MR1: variants seen among roughly 807,000 people sequenced by gnomAD.
The protein encoded by MR1 is major histocompatibility complex, class I-related.
A neutral mutation model predicts 37.8 loss-of-function variants in MR1; 44 were observed. The ratio of observed to expected loss-of-function variants is 1.16; its 90% CI spans 0.91 to 1.50. The LOEUF is 1.50. Ranked by LOEUF, MR1 falls within the 40% of genes most tolerant of loss-of-function variation. MR1 has a pLI of 0.00. For synonymous variants in MR1, 153 were observed against 155.8 expected, an observed-to-expected ratio of 0.98 and a Z score of 0.13; for missense variants, 386 against 419.1, an observed-to-expected ratio of 0.92 and a Z score of 0.69.
At position 181,052,237 on chromosome 1, in the gene MR1, C is replaced by A. The variant is rs149433107; in HGVS notation, c.607C>A (p.Pro203Thr). The change falls in exon 4 of 6, where the codon CCC becomes ACC. Residue 203 changes from proline (P) to threonine (T), a missense_variant and splice_region_variant. By Grantham distance (38) the Pro-to-Thr change is conservative. Coordinates refer to ENST00000367580, the MANE Select transcript of MR1 (RefSeq NM_001385161.1). ...TAACTTTAGCTTCTTCTTCCTAGAG[C>A]CCCCACTGGTCAGAGTAAATCGCAA... is the stretch of plus-strand genomic sequence containing the variant. ...YGKDTLQRTEPPLVRVNRKET... is the reference protein window; with the variant it reads ...YGKDTLQRTETPLVRVNRKET... 6.2e-7 allele frequency: 1 copy of A among 1,613,024 alleles called. No homozygotes were observed. Among genetic ancestry groups the A allele is most frequent in the East Asian group, 2.2e-5 (1 of 44,868 alleles).
At chr1:181,049,369 C>A (rs1251801991) in intron 2 of MR1, 57 bp downstream of exon 2, 10 of 1,542,316 alleles carry the variant, frequency 6.5e-6, no homozygotes, top group Non-Finnish European at 6.1e-6. Flanking sequence ...CGCAGAGACC[C>A]CTGGGCTGGC....
rs183262469 is a variant in MR1, at chr1:181,054,400, T to C, written c.985+723T>C. On this transcript the variant is annotated intron_variant, in intron 5 of 5. Transcript: ENST00000367580. ...GCTCTGGCTTCACTAATTGCTCAAA[T>C]TGATCACAGGATAGTACCGATGAGA... Among the ~76,000 whole-genome samples, 127 of 152,296 alleles carry C rather than the reference T, an allele frequency of 8.3e-4. 2 individuals are homozygous for C. The highest frequency in any genetic ancestry group is 2.3e-3 in the African/African-American group (97 of 41,552).
In MR1 at chr1:181,050,241, C is replaced by G. The variant is rs1033122095; in HGVS notation, c.559C>G (p.Leu187Val). The change falls in exon 3 of 6, where the codon CTA becomes GTA. Residue 187 changes from leucine to valine, a missense_variant. Leu to Val is a conservative substitution (Grantham distance 32, BLOSUM62 1). Transcript: ENST00000367580. ...NWLEEECIAW[L>V]KRFLEYGKDT... ...GCTGGAAGAAGAATGTATTGCCTGGCTAAAGAGATTCCTGGAGTATGGGAA... is the reference window on the plus strand; with the variant it reads ...GCTGGAAGAAGAATGTATTGCCTGGGTAAAGAGATTCCTGGAGTATGGGAA... The G allele has an allele frequency of 1.2e-6, 2 of 1,614,202 alleles. No homozygotes were observed. Among genetic ancestry groups the G allele is most frequent in the Non-Finnish European group, 1.7e-6 (2 of 1,180,032 alleles).
At chr1:181,049,427 C>T in intron 2 of MR1, 115 bp downstream of exon 2, 2 of 1,322,046 alleles carry the variant, frequency 1.5e-6, no homozygotes, top group Non-Finnish European at 1.0e-6. Flanking sequence ...TTTGGCAAAG[C>T]CTGAGGAATC....
intron 5 of MR1, among the ~76,000 whole-genome samples, chr1:181,053,905 A>G (rs549957875): frequency 3.9e-5 from 6 of 152,228 alleles, no homozygotes; most frequent in Non-Finnish European, 8.8e-5. Context: ...ACATCAACAA[A>G]CTAGTACATC....
chr1:181,046,808 C>T lies in MR1; in HGVS notation c.68-2244C>T, dbSNP rs185564451. Among the ~76,000 whole-genome samples, 33 of 152,192 alleles carry T rather than the reference C, an allele frequency of 2.2e-4. No homozygotes were observed. In the East Asian group the frequency reaches 5.2e-3, roughly 24 times the overall value. ...TCTGCAGCTTCACTCCTGAAGCCAGCGAGACCACGAGCCCACCAGGAGGAA... is the reference window on the plus strand; with the variant it reads ...TCTGCAGCTTCACTCCTGAAGCCAGTGAGACCACGAGCCCACCAGGAGGAA... On this transcript the variant is annotated intron_variant, in intron 1 of 5. Transcript: ENST00000367580.
chr1:181,046,198 G>A (rs1001793590), intron 1 of MR1, among the ~76,000 whole-genome samples: 4 of 152,242 alleles, frequency 2.6e-5, no homozygotes, highest in African/African-American at 4.8e-5. Context: ...GACCACCCAA[G>A]GGCTGAGGAG....
chr1:181,053,585 T>C lies in MR1; in HGVS notation c.893T>C (p.Ile298Thr). The change falls in exon 5 of 6, where the codon ATC becomes ACC. Residue 298 changes from isoleucine (I) to threonine (T), a missense_variant. Physicochemically the swap from Ile to Thr is moderately conservative, Grantham distance 89. Transcript: ENST00000367580. Reference sequence around the variant, plus strand: ...TGCTTGCTTTCAGAATCAGAAACTATCCCTCTTGTGATGAAAGCTGTCTCT... The same window carrying C: ...TGCTTGCTTTCAGAATCAGAAACTACCCCTCTTGTGATGAAAGCTGTCTCT... ...VLQVPQESET[I>T]PLVMKAVSGS... 1 of 1,613,358 alleles carries C rather than the reference T, an allele frequency of 6.2e-7. No homozygotes were observed. Among genetic ancestry groups the C allele is most frequent in the Non-Finnish European group, 8.5e-7 (1 of 1,179,342 alleles).
In MR1 at chr1:181,056,326, T is replaced by G. The variant is rs1466937408; in HGVS notation, c.*1061T>G. The G allele has an allele frequency of 6.6e-6, 1 of 151,522 alleles. No homozygotes were observed. The highest frequency in any genetic ancestry group is 2.4e-5 in the African/African-American group (1 of 41,240). The allele number at this position is 151,522 out of a possible 1,614,324, so 9.4% of individuals were successfully genotyped here. Reference sequence around the variant, plus strand: ...TTGCAGTGAGCCGAGATCACGCCACTGCACTCCAGCCTGGCGACAGAGTGA... The same window carrying G: ...TTGCAGTGAGCCGAGATCACGCCACGGCACTCCAGCCTGGCGACAGAGTGA... On this transcript the variant is annotated 3_prime_UTR_variant, in exon 6 of 6. Coordinates refer to ENST00000367580, the MANE Select transcript of MR1 (RefSeq NM_001385161.1).
At chr1:181,049,799 T>C (rs1215357219) in intron 2 of MR1, 2 of 588,492 alleles carry the variant, frequency 3.4e-6, no homozygotes, top group African/African-American at 3.7e-5. Context: ...ATTAGCACAC[T>C]CCTTTGACAG....
intron 3 of MR1, chr1:181,050,628 G>A: frequency 3.2e-6 from 1 of 314,270 alleles, no homozygotes; most frequent in South Asian, 3.1e-5. Context: ...GTTAACAAAG[G>A]GCTCACACAC....
chr1:181,040,983 G>T (rs1335098941), intron 1 of MR1, among the ~76,000 whole-genome samples: 1 of 152,004 alleles, frequency 6.6e-6, no homozygotes, highest in Non-Finnish European at 1.5e-5. Context: ...TTGGGAGGCT[G>T]AGGCAGGAGA....
chr1:181,034,211 AGGAGCAAT>A (rs1342716715), intron 1 of MR1, 137 bp downstream of exon 1: 7 of 660,846 alleles, frequency 1.1e-5, no homozygotes, highest in Non-Finnish European at 1.7e-5. Flanking sequence ...CTCAGACTCC[AGGAGCAAT>A]GGATTGCCTG....
intron 1 of MR1, among the ~76,000 whole-genome samples, chr1:181,043,173 G>C (rs1450269908): frequency 9.9e-5 from 15 of 152,128 alleles, no homozygotes; most frequent in Non-Finnish European, 2.9e-5. Context: ...GGCTTCCACT[G>C]TCTTCCCTCC....
chr1:181,039,853 G>A (rs1657461404), intron 1 of MR1, among the ~76,000 whole-genome samples: 1 of 136,234 alleles, frequency 7.3e-6, no homozygotes, highest in East Asian at 2.1e-4. Flanking sequence ...GTGTCAGAGC[G>A]AGACTCCATC....
intron 1 of MR1, among the ~76,000 whole-genome samples, chr1:181,046,296 T>C (rs1571387985): frequency 6.6e-6 from 1 of 152,202 alleles, no homozygotes; most frequent in Non-Finnish European, 1.5e-5. Flanking sequence ...GGCTCCTGAG[T>C]CTGGTGGGGA....
chr1:181,044,782 G>A (rs1657761449), intron 1 of MR1, among the ~76,000 whole-genome samples: 1 of 152,244 alleles, frequency 6.6e-6, no homozygotes, highest in Non-Finnish European at 1.5e-5. Context: ...GATCACTTAA[G>A]CCCAGGACAA....
chr1:181,049,983 C>A, intron 2 of MR1, 28 bp from the exon 3 acceptor site: 1 of 1,601,314 alleles, frequency 6.2e-7, no homozygotes, highest in South Asian at 1.1e-5. Context: ...TCTGTGTGGA[C>A]CCCTCTGGGC....
At chr1:181,033,822 C>G, upstream of MR1, 1 of 532,468 alleles carries the variant, frequency 1.9e-6, no homozygotes, top group South Asian at 2.9e-5. Flanking sequence ...CTGAAACCAG[C>G]AAAGACTTAA....
Sources: allele counts gnomAD v4.1 joint callset (sites outside exome capture counted in the v4.1 genomes callset), GRCh38; gene constraint gnomAD v4.1.1; transcripts MANE v1.5; gene names NCBI Gene and HGNC (gene_info 2026-07-23, HGNC 2026-07-21).